The following DUS2 variants were observed in gnomAD, a reference collection of about 807,000 sequenced individuals.
DUS2 encodes dihydrouridine synthase 2, also known as tRNA-dihydrouridine(20) synthase [NAD(P)+]-like.
Under a neutral mutation model 71.3 loss-of-function variants are expected in DUS2, and 52 were observed. The ratio of observed to expected loss-of-function variants is 0.73; its 90% CI spans 0.58 to 0.92. The LOEUF is 0.92. DUS2 is among the 40% of genes least tolerant of loss of function. The pLI is 0.00. For missense variants in DUS2, 558 were observed against 622.6 expected (o/e 0.90, Z 1.10); for synonymous variants, 204 against 227.8 (o/e 0.90, Z 0.94).
chr16:68,068,584 C>CTTT (rs59827856), intron 10 of DUS2, among the ~76,000 whole-genome samples: 9 of 67,242 alleles, frequency 1.3e-4, no homozygotes, highest in South Asian at 5.4e-4. Flanking sequence ...CTTTCTCTCT[C>CTTT]TTTTTTTTTT....
At chr16:68,047,049 C>CTTTTTT (rs1305624703) in intron 3 of DUS2, among the ~76,000 whole-genome samples, 22 of 72,196 alleles carry the variant, frequency 3.0e-4, no homozygotes, top group Non-Finnish European at 3.7e-4. Flanking sequence ...CATGCCCGGC[C>CTTTTTT]TTTTTTTTTT....
At chr16:68,047,821 C>T (rs1233312593) in intron 3 of DUS2, among the ~76,000 whole-genome samples, 1 of 150,024 alleles carries the variant, frequency 6.7e-6, no homozygotes, top group Non-Finnish European at 1.5e-5. Flanking sequence ...CACTCTGTTG[C>T]CCAGGGTGGC....
intron 7 of DUS2, among the ~76,000 whole-genome samples, chr16:68,057,117 T>C (rs2033869517): frequency 7.1e-6 from 1 of 140,164 alleles, no homozygotes; most frequent in Non-Finnish European, 1.5e-5. Flanking sequence ...TATTATATAT[T>C]ACATATATAA....
chr16:68,067,404 C>T (rs941356330), intron 10 of DUS2, among the ~76,000 whole-genome samples: 1 of 145,658 alleles, frequency 6.9e-6, no homozygotes, highest in Non-Finnish European at 1.5e-5. Context: ...GCCTCAGCCT[C>T]CCGAGTAGCT....
intron 2 of DUS2, among the ~76,000 whole-genome samples, chr16:68,031,116 C>T (rs909038153): frequency 6.6e-6 from 1 of 152,130 alleles, no homozygotes; most frequent in South Asian, 2.1e-4. Context: ...AATGGCATCT[C>T]CACCAGTGAA....
chr16:68,045,176 G>A (rs903297761), intron 3 of DUS2, among the ~76,000 whole-genome samples: 1 of 152,078 alleles, frequency 6.6e-6, no homozygotes, highest in Admixed American at 6.6e-5. Context: ...AAATATAATT[G>A]ATTTTTGTGT....
chr16:68,053,531 T>C, intron 4 of DUS2, 33 bp from the exon 5 acceptor site: 1 of 1,609,654 alleles, frequency 6.2e-7, no homozygotes, highest in African/African-American at 1.3e-5. Context: ...GCATCTTCAT[T>C]GAGTGACCCT....
chr16:68,056,412 A>G lies in DUS2; in HGVS notation c.357A>G (p.Gln119=), dbSNP rs1395838998. The change falls in exon 7 of 17, where the codon CAA becomes CAG. Residue 119 remains glutamine (Q), a synonymous_variant. Coordinates refer to ENST00000565263, the MANE Select transcript of DUS2 (RefSeq NM_017803.5). ...GIDVNMGCPK[Q]YSTKGGMGAA... is the part of the protein sequence containing the mutation. ...ATGTCAACATGGGCTGTCCAAAACA[A>G]TATTCCACCAAGGTAAACTGGTTTC... 1.9e-6 allele frequency: 3 copies of G among 1,613,408 alleles called. No individual in the cohort carries two copies. The highest frequency in any genetic ancestry group is 2.7e-5 in the African/African-American group (2 of 74,898).
intron 16 of DUS2, 75 bp downstream of exon 16, chr16:68,078,593 T>C: frequency 6.4e-7 from 1 of 1,552,638 alleles, no homozygotes; most frequent in Non-Finnish European, 8.9e-7. Context: ...CATCCAGCAT[T>C]GTCCTAGGAG....
intron 12 of DUS2, 123 bp from the exon 13 acceptor site, chr16:68,073,911 G>A (rs1405612816): frequency 3.2e-6 from 4 of 1,231,982 alleles, no homozygotes; most frequent in Non-Finnish European, 4.5e-6. Flanking sequence ...TCTTATGGGG[G>A]TCACATTGCC....
chr16:68,060,986 T>C, intron 7 of DUS2, 80 bp from the exon 8 acceptor site: 1 of 1,417,208 alleles, frequency 7.1e-7, no homozygotes, highest in South Asian at 1.2e-5. Flanking sequence ...GGGGTGACGC[T>C]CAGTTGCCAG....
At chr16:68,050,691 A>G (rs79323429) in intron 4 of DUS2, among the ~76,000 whole-genome samples, 19,186 of 152,122 alleles carry the variant, frequency 0.13, 1,318 homozygotes, top group South Asian at 0.2. Context: ...ATCTATATCT[A>G]TATCTATATT....
intron 5 of DUS2, 86 bp downstream of exon 5, chr16:68,053,741 G>A: frequency 1.5e-6 from 2 of 1,357,270 alleles, no homozygotes; most frequent in Non-Finnish European, 2.1e-6. Context: ...GGCCAGTGTT[G>A]AATACCTGGG....
Position 68,023,302 on chromosome 16 carries a change from G to A in DUS2, c.-148G>A, listed in dbSNP as rs979276395. ...GAGGCTCAGTACGGTGTGTGGAGCT[G>A]GAGCACCGTGAGGAAGAAGCGAGGT... On this transcript the variant is annotated 5_prime_UTR_variant, in exon 1 of 17. Coordinates refer to ENST00000565263, the MANE Select transcript of DUS2 (RefSeq NM_017803.5). The A allele has an allele frequency of 2.2e-6, 3 of 1,349,606 alleles. No individual in the cohort carries two copies. Among genetic ancestry groups the A allele is most frequent in the Non-Finnish European group, 3.0e-6 (3 of 999,560 alleles). The allele number at this position is 1,349,606 out of a possible 1,614,324, so 83.6% of individuals were successfully genotyped here.
Position 68,079,100 on chromosome 16 carries a change from T to C in DUS2, c.*114T>C. The C allele has an allele frequency of 9.7e-7, 1 of 1,032,408 alleles. No individual in the cohort carries two copies. Among genetic ancestry groups the C allele is most frequent in the Admixed American group, 2.6e-5 (1 of 38,006 alleles). 64.0% of individuals were successfully genotyped at this position (1,032,408 alleles called of 1,614,324 possible). A position where few individuals can be genotyped will look rare whatever the true frequency, so the allele number is the denominator to read the frequency against. On this transcript the variant is annotated 3_prime_UTR_variant, in exon 17 of 17. Transcript: ENST00000565263. ...TTTGCTGGTCTTGCCTGGCAGAAGT[T>C]AGATGTCCTGGCAGGGGCCATCAGC...
chr16:68,059,756 G>GT (rs1024420601), intron 7 of DUS2, among the ~76,000 whole-genome samples: 3 of 151,660 alleles, frequency 2.0e-5, no homozygotes, highest in Non-Finnish European at 4.4e-5. Flanking sequence ...TATTGGAATT[G>GT]TTTTTTTTGC....
intron 4 of DUS2, among the ~76,000 whole-genome samples, chr16:68,050,531 A>C (rs1370050841): frequency 6.6e-6 from 1 of 152,164 alleles, no homozygotes; most frequent in Non-Finnish European, 1.5e-5. Context: ...CCATAATCCT[A>C]CACCTAAAGA....
At position 68,074,034 on chromosome 16, in the gene DUS2, G is replaced by A; in HGVS notation, c.811G>A (p.Ala271Thr). 1 of 1,614,028 alleles carries A rather than the reference G, an allele frequency of 6.2e-7. No individual in the cohort carries two copies. Among genetic ancestry groups the A allele is most frequent in the Non-Finnish European group, 8.5e-7 (1 of 1,179,930 alleles). Reference protein sequence around the residue: ...EEVMQKYIRYAVQYDNHYTNT... With the variant: ...EEVMQKYIRYTVQYDNHYTNT... ...TCAGGCAAGTCATTTCTTTTCTCAG[G>A]CGGTGCAGTATGACAACCACTACAC... The change falls in exon 13 of 17, where the codon GCG (alanine) becomes ACG (threonine). Residue 271 changes from alanine (A) to threonine (T), a missense_variant and splice_region_variant. By Grantham distance (58) the Ala-to-Thr change is moderately conservative (BLOSUM62 0). Transcript: ENST00000565263.
At chr16:68,024,622 C>G (rs1483832096) in intron 1 of DUS2, among the ~76,000 whole-genome samples, 1 of 152,040 alleles carries the variant, frequency 6.6e-6, no homozygotes, top group Non-Finnish European at 1.5e-5. Flanking sequence ...TACACTCTAC[C>G]CTTGTGCTAC....
Sources: gnomAD v4.1 joint callset for allele counts (sites outside exome capture counted in the v4.1 genomes callset) on GRCh38, gnomAD v4.1.1 for gene constraint, MANE v1.5 for transcripts, NCBI Gene and HGNC (gene_info 2026-07-23, HGNC 2026-07-21) for gene names.